POU6F2: variants seen among roughly 807,000 people sequenced by gnomAD.
POU6F2 encodes the protein POU class 6 homeobox 2, also known as POU domain, class 6, transcription factor 2.
A neutral mutation model predicts 71.3 loss-of-function variants in POU6F2; 31 were observed. That is an observed-to-expected ratio of 0.43 (90% CI 0.33 to 0.59). The LOEUF is 0.59. POU6F2 is among the 20% of genes least tolerant of loss of function. POU6F2 has a pLI of 0.04. For missense variants in POU6F2, 783 were observed against 856.8 expected, an observed-to-expected ratio of 0.91 and a Z score of 1.07; for synonymous variants, 347 against 355.7, an observed-to-expected ratio of 0.98 and a Z score of 0.27.
At chr7:39,135,700 G>A (rs1159858592) in intron 2 of POU6F2, among the ~76,000 whole-genome samples, 1 of 152,040 alleles carries the variant, frequency 6.6e-6, no homozygotes, top group African/African-American at 2.4e-5. Flanking sequence ...ATTTCATTGT[G>A]AAGGTATTTC....
At position 39,079,382 on chromosome 7, in the gene POU6F2, T is replaced by C. The variant is rs574014022; in HGVS notation, c.106-6478T>C. ...TTTTTGTATTTTTAGTTCCACCGTG[T>C]TGGCCAGACTGGTCTCGCAGTCCTG... On this transcript the variant is annotated intron_variant, in intron 1 of 9. Transcript: ENST00000518318. Among the ~76,000 whole-genome samples, 13 of 152,032 alleles carry C rather than the reference T, an allele frequency of 8.6e-5. No homozygotes were observed. In the East Asian group the frequency reaches 2.1e-3, roughly 25 times the overall value.
intron 2 of POU6F2, among the ~76,000 whole-genome samples, chr7:39,099,340 CT>C (rs1296437821): frequency 6.6e-6 from 1 of 152,230 alleles, no homozygotes; most frequent in African/African-American, 2.4e-5. Context: ...GGCAGCCTGC[CT>C]TTGGGTGGAG....
At position 39,001,245 on chromosome 7, in the gene POU6F2, A is replaced by T. The variant is rs184343672; in HGVS notation, c.105+23187A>T. Among the ~76,000 whole-genome samples, 1,179 of 150,652 alleles carry T rather than the reference A, an allele frequency of 7.8e-3. 15 individuals carry two copies. Among genetic ancestry groups the T allele is most frequent in the African/African-American group, 0.028 (1,111 of 40,212 alleles). On this transcript the variant is annotated intron_variant, in intron 1 of 9. Coordinates refer to ENST00000518318, the MANE Select transcript of POU6F2 (RefSeq NM_001370959.1). ...TATACTAGAAAGATCATTCTTTGACACAGGCCATTTTGATTTTTTTTTTTG... is the reference window on the plus strand; with the variant it reads ...TATACTAGAAAGATCATTCTTTGACTCAGGCCATTTTGATTTTTTTTTTTG...
At chr7:39,126,232 T>C (rs1287114161) in intron 2 of POU6F2, among the ~76,000 whole-genome samples, 1 of 152,214 alleles carries the variant, frequency 6.6e-6, no homozygotes, top group African/African-American at 2.4e-5. Flanking sequence ...ACTGTGGGCA[T>C]GCTTATAAAT....
intron 1 of POU6F2, among the ~76,000 whole-genome samples, chr7:39,024,520 T>C (rs891287624): frequency 6.6e-6 from 1 of 152,130 alleles, no homozygotes; most frequent in African/African-American, 2.4e-5. Flanking sequence ...CTAATTGCCC[T>C]GGCCAGAACT....
At chr7:39,101,868 T>G (rs373879364) in intron 2 of POU6F2, among the ~76,000 whole-genome samples, 10 of 152,122 alleles carry the variant, frequency 6.6e-5, no homozygotes, top group African/African-American at 2.4e-4. Flanking sequence ...ATTAAAAAAT[T>G]TAAAACAAAA....
chr7:39,162,531 G>A (rs929874312), intron 2 of POU6F2, among the ~76,000 whole-genome samples: 4 of 152,082 alleles, frequency 2.6e-5, no homozygotes, highest in Non-Finnish European at 4.4e-5. Context: ...CTTTTTCCAC[G>A]ATCAGATAGT....
chr7:39,064,372 G>A (rs1790715594), intron 1 of POU6F2, among the ~76,000 whole-genome samples: 1 of 151,756 alleles, frequency 6.6e-6, no homozygotes, highest in Non-Finnish European at 1.5e-5. Flanking sequence ...TGAAAAGCTA[G>A]TAAGTGTATT....
rs1031471628 is a variant in POU6F2, at chr7:39,028,858, T to C, written c.105+50800T>C. On this transcript the variant is annotated intron_variant, in intron 1 of 9. Transcript: ENST00000518318. ...TCTTACTCTGCCACCCAGGCTGTAGTGTACTGGCACAATCACAATTCATTG... is the reference window on the plus strand; with the variant it reads ...TCTTACTCTGCCACCCAGGCTGTAGCGTACTGGCACAATCACAATTCATTG... 1.5e-4 allele frequency among the ~76,000 whole-genome samples: 23 copies of C among 152,276 alleles called. No homozygotes were observed. The East Asian group carries it at 4.4e-3, about 29-fold the overall frequency.
intron 6 of POU6F2, among the ~76,000 whole-genome samples, chr7:39,409,530 A>G (rs987635661): frequency 3.3e-5 from 5 of 152,136 alleles, no homozygotes; most frequent in African/African-American, 1.2e-4. Flanking sequence ...CCATGACTTA[A>G]CCTACCTAAG....
At chr7:39,113,279 T>A (rs1306628569) in intron 2 of POU6F2, among the ~76,000 whole-genome samples, 1 of 152,130 alleles carries the variant, frequency 6.6e-6, no homozygotes, top group Non-Finnish European at 1.5e-5. Flanking sequence ...ATACTCTAAG[T>A]TAAATGAATG....
intron 6 of POU6F2, among the ~76,000 whole-genome samples, chr7:39,430,633 A>G (rs1788078392): frequency 6.6e-6 from 1 of 152,176 alleles, no homozygotes; most frequent in East Asian, 1.9e-4. Flanking sequence ...GCTGGTGTCA[A>G]TCTTCCCGGG....
At chr7:39,292,797 A>C (rs1320233081) in intron 4 of POU6F2, among the ~76,000 whole-genome samples, 1 of 152,162 alleles carries the variant, frequency 6.6e-6, no homozygotes, top group Non-Finnish European at 1.5e-5. Flanking sequence ...CATTCAATCC[A>C]TCCTGGATCA....
At chr7:39,091,681 G>A (rs553046622) in intron 2 of POU6F2, among the ~76,000 whole-genome samples, 20 of 152,140 alleles carry the variant, frequency 1.3e-4, no homozygotes, top group Non-Finnish European at 2.4e-4. Flanking sequence ...AAATAGAGGT[G>A]CATTCCAGAT....
chr7:39,434,491 C>T (rs1271402773), intron 7 of POU6F2, among the ~76,000 whole-genome samples: 1 of 151,768 alleles, frequency 6.6e-6, no homozygotes, highest in Non-Finnish European at 1.5e-5. Flanking sequence ...AGAATAGTGC[C>T]TGGCATACAG....
intron 7 of POU6F2, among the ~76,000 whole-genome samples, chr7:39,445,739 C>G (rs1281937599): frequency 6.6e-6 from 1 of 152,224 alleles, no homozygotes; most frequent in African/African-American, 2.4e-5. Flanking sequence ...AATTTGTGCT[C>G]TTGTCCTGTC....
intron 2 of POU6F2, among the ~76,000 whole-genome samples, chr7:39,119,985 G>A (rs78959100): frequency 0.015 from 2,333 of 152,218 alleles, 57 homozygotes; most frequent in African/African-American, 0.052. Flanking sequence ...TGTTTGAAAT[G>A]AAATAAAATA....
At chr7:39,147,220 T>G (rs1327378350) in intron 2 of POU6F2, among the ~76,000 whole-genome samples, 6 of 152,238 alleles carry the variant, frequency 3.9e-5, no homozygotes. Context: ...GGTACAAAAG[T>G]AATTGGGGTG....
intron 2 of POU6F2, 51 bp downstream of exon 2, chr7:39,086,082 G>A: frequency 1.9e-6 from 3 of 1,565,824 alleles, no homozygotes; most frequent in Non-Finnish European, 2.6e-6. Context: ...GTCCGGAAGA[G>A]CAATCCAACC....
Sources: allele counts gnomAD v4.1 joint callset (sites outside exome capture counted in the v4.1 genomes callset), GRCh38; gene constraint gnomAD v4.1.1; transcripts MANE v1.5; gene names NCBI Gene and HGNC (gene_info 2026-07-23, HGNC 2026-07-21).